Variants in ULK2 observed in about 807,000 individuals in gnomAD.
ULK2 encodes serine/threonine-protein kinase ULK2.
Under a neutral mutation model 127.5 loss-of-function variants are expected in ULK2, and 76 were observed. The observed-to-expected ratio is 0.60, with a 90% CI of 0.50 to 0.72. The LOEUF is 0.72. Ranked by LOEUF, ULK2 falls within the 30% of genes least tolerant of loss-of-function variation. The pLI, the probability that ULK2 is intolerant of heterozygous loss-of-function variation, is 0.00. For missense variants in ULK2, 1,144 were observed against 1,295.9 expected (o/e 0.88, Z 1.80); for synonymous variants, 452 against 461.9 (o/e 0.98, Z 0.28).
chr17:19,783,075 T>C (rs959063453), intron 22 of ULK2, among the ~76,000 whole-genome samples: 1 of 152,254 alleles, frequency 6.6e-6, no homozygotes, highest in Non-Finnish European at 1.5e-5. Context: ...ATCATTTTCC[T>C]AGTGACAGGA....
intron 10 of ULK2, among the ~76,000 whole-genome samples, chr17:19,834,742 T>G (rs1225680991): frequency 6.6e-6 from 1 of 151,844 alleles, no homozygotes; most frequent in East Asian, 1.9e-4. Context: ...CAAAAACCTC[T>G]CTACAAAAAA....
intron 3 of ULK2, among the ~76,000 whole-genome samples, chr17:19,864,075 G>A (rs928417070): frequency 2.0e-5 from 3 of 152,276 alleles, no homozygotes; most frequent in South Asian, 4.1e-4. Context: ...GAGAGGCTGA[G>A]GCAGAAGGAT....
At chr17:19,810,663 GTCT>G (rs1455271950) in intron 13 of ULK2, among the ~76,000 whole-genome samples, 2 of 152,144 alleles carry the variant, frequency 1.3e-5, no homozygotes, top group Admixed American at 1.3e-4. Context: ...CAAATTTGAG[GTCT>G]TCTTCAAAAT....
intron 14 of ULK2, among the ~76,000 whole-genome samples, chr17:19,805,528 G>A (rs906314349): frequency 6.6e-6 from 1 of 152,198 alleles, no homozygotes; most frequent in Non-Finnish European, 1.5e-5. Flanking sequence ...TTGTAGTGGA[G>A]ATGTTAGCTG....
intron 3 of ULK2, among the ~76,000 whole-genome samples, chr17:19,854,881 A>G (rs2042090783): frequency 6.6e-6 from 1 of 151,900 alleles, no homozygotes; most frequent in Admixed American, 6.6e-5. Context: ...CGAGTGGATC[A>G]CGAGGTCAGG....
At chr17:19,776,437 T>C in intron 26 of ULK2, 30 bp from the exon 27 acceptor site, 1 of 1,544,834 alleles carries the variant, frequency 6.5e-7, no homozygotes, top group Non-Finnish European at 8.8e-7. Context: ...AATGAAGAAC[T>C]AATGAAAAAA....
chr17:19,801,808 CCCAGTGGAG>C lies in ULK2; in HGVS notation c.1401_1409del (p.Thr469_Ser471del). On this transcript the variant is annotated inframe_deletion, in exon 16 of 27. Coordinates refer to ENST00000395544, the MANE Select transcript of ULK2 (RefSeq NM_014683.4). Reference sequence around the variant, plus strand: ...GGGAAGGTGAGTAAGGCCTAGAAGACCCAGTGGAGAGCCTTCGTCCAACTGTCTGTGCTG... The same window carrying C: ...GGGAAGGTGAGTAAGGCCTAGAAGACAGCCTTCGTCCAACTGTCTGTGCTG... The C allele has an allele frequency of 6.2e-7, 1 of 1,614,144 alleles. No individual in the cohort carries two copies. Among genetic ancestry groups the C allele is most frequent in the Non-Finnish European group, 8.5e-7 (1 of 1,180,016 alleles).
At chr17:19,830,222 A>G (rs2041403670) in intron 10 of ULK2, among the ~76,000 whole-genome samples, 1 of 151,632 alleles carries the variant, frequency 6.6e-6, no homozygotes, top group Non-Finnish European at 1.5e-5. Flanking sequence ...TTAATCAGAG[A>G]CAATGTTGCG....
intron 3 of ULK2, among the ~76,000 whole-genome samples, chr17:19,852,566 AG>A (rs1440911400): frequency 2.0e-5 from 3 of 150,954 alleles, no homozygotes. Flanking sequence ...ATATACTGCT[AG>A]GCTATTTAAA....
chr17:19,797,813 T>C (rs949175909), intron 17 of ULK2, 131 bp from the exon 18 acceptor site: 3 of 904,752 alleles, frequency 3.3e-6, no homozygotes, highest in Non-Finnish European at 4.6e-6. Flanking sequence ...ATTCTAAAAG[T>C]GATTTACTTG....
chr17:19,777,492 G>A, intron 26 of ULK2, 89 bp downstream of exon 26: 2 of 1,399,886 alleles, frequency 1.4e-6, no homozygotes, highest in South Asian at 3.1e-5. Context: ...AACCAAGGCA[G>A]AATTCCAAAC....
At chr17:19,809,310 A>G (rs532747589) in intron 14 of ULK2, among the ~76,000 whole-genome samples, 1 of 152,358 alleles carries the variant, frequency 6.6e-6, no homozygotes, top group African/African-American at 2.4e-5. Flanking sequence ...TAATGAGTAT[A>G]AAGTTTCAGA....
rs2042382350 is a variant in ULK2, at chr17:19,867,544, C to A, written c.-127G>T. The A allele has an allele frequency of 4.1e-6, 2 of 491,598 alleles. No individual in the cohort carries two copies. Among genetic ancestry groups the A allele is most frequent in the Non-Finnish European group, 6.2e-6 (2 of 324,316 alleles). 30.5% of individuals were successfully genotyped at this position (491,598 alleles called of 1,614,324 possible). The stretch of plus-strand genomic sequence containing the variant: ...GGTCTGGGGCAGCCGCAGCCCCGGG[C>A]CCGGGCGGACTCTCATGCCGAGAGA... On this transcript the variant is annotated 5_prime_UTR_variant, in exon 1 of 27. Coordinates refer to ENST00000395544, the MANE Select transcript of ULK2 (RefSeq NM_014683.4).
chr17:19,856,266 T>A (rs1052839855), intron 3 of ULK2: 1 of 152,210 alleles, frequency 6.6e-6, no homozygotes, highest in African/African-American at 2.4e-5. Flanking sequence ...TGTAGCAGTA[T>A]ATGGCATGCT....
At chr17:19,777,489 G>T in intron 26 of ULK2, 92 bp downstream of exon 26, 1 of 1,373,094 alleles carries the variant, frequency 7.3e-7, no homozygotes, top group Non-Finnish European at 9.8e-7. Context: ...TCAAACCAAG[G>T]CAGAATTCCA....
chr17:19,808,375 T>C (rs1287334793), intron 14 of ULK2, among the ~76,000 whole-genome samples: 1 of 152,142 alleles, frequency 6.6e-6, no homozygotes, highest in Non-Finnish European at 1.5e-5. Context: ...GAGTAGGCAA[T>C]GATTTCTTGA....
chr17:19,802,054 A>G, intron 15 of ULK2, 132 bp from the exon 16 acceptor site: 2 of 986,258 alleles, frequency 2.0e-6, no homozygotes, highest in Non-Finnish European at 2.8e-6. Flanking sequence ...TGGAACAATT[A>G]TAAGATGCAT....
In ULK2 at chr17:19,849,787, CAT is replaced by C; in HGVS notation, c.226-15_226-14del. On this transcript the variant is annotated splice_polypyrimidine_tract_variant and intron_variant, in intron 3 of 26. Transcript: ENST00000395544. ...AGTTGGGTAATTCCTGAAAAGTAAA[CAT>C]ATTAAATATCATTTAGAGAAAAATT... The C allele has an allele frequency of 2.0e-6, 3 of 1,489,722 alleles. No individual in the cohort carries two copies. The highest frequency in any genetic ancestry group is 1.3e-5 in the South Asian group (1 of 77,470). The allele number at this position is 1,489,722 out of a possible 1,614,324, so 92.3% of individuals were successfully genotyped here.
intron 3 of ULK2, among the ~76,000 whole-genome samples, chr17:19,851,788 G>A (rs1335251134): frequency 6.6e-6 from 1 of 152,028 alleles, no homozygotes; most frequent in Non-Finnish European, 1.5e-5. Context: ...ACTTTAGGAG[G>A]CCAAGGCGGG....
Sources: allele counts gnomAD v4.1 joint callset (sites outside exome capture counted in the v4.1 genomes callset), GRCh38; gene constraint gnomAD v4.1.1; transcripts MANE v1.5; gene names NCBI Gene and HGNC (gene_info 2026-07-23, HGNC 2026-07-21).